HS6ST2: variants seen among roughly 807,000 people sequenced by gnomAD.
The protein encoded by HS6ST2 is heparan-sulfate 6-O-sulfotransferase 2.
HS6ST2 carries 17 observed loss-of-function variants against 33.0 expected under a neutral mutation model. The ratio of observed to expected loss-of-function variants is 0.52; its 90% CI spans 0.35 to 0.77. HS6ST2 has a LOEUF of 0.77. Among genes scored for constraint, HS6ST2 ranks in the 30% least tolerant of loss-of-function variants. HS6ST2 has a pLI of 0.01. For missense variants in HS6ST2, 519 were observed against 551.7 expected (o/e 0.94, Z 0.59); for synonymous variants, 248 against 237.1 (o/e 1.05, Z -0.42).
chrX:132,918,282 A>C (rs1009021510), intron 2 of HS6ST2, among the ~76,000 whole-genome samples: 5 of 112,142 alleles, frequency 4.5e-5, no homozygotes, highest in African/African-American at 1.6e-4. Context: ...TTATTCCTTA[A>C]GTGTGGTCTC....
chrX:132,955,746 C>G (rs2067062506), intron 2 of HS6ST2, among the ~76,000 whole-genome samples: 1 of 112,183 alleles, frequency 8.9e-6, no homozygotes, highest in Non-Finnish European at 1.9e-5. Flanking sequence ...GCACTCACTT[C>G]CCCCACCCCA....
chrX:132,931,880 C>T (rs773347009), intron 2 of HS6ST2, among the ~76,000 whole-genome samples: 1 of 111,252 alleles, frequency 9.0e-6, no homozygotes, highest in South Asian at 3.9e-4. Flanking sequence ...ATCTCAAAGA[C>T]TGGCCTCAAA....
At chrX:132,923,130 A>T (rs937426133) in intron 2 of HS6ST2, among the ~76,000 whole-genome samples, 1 of 109,823 alleles carries the variant, frequency 9.1e-6, no homozygotes, top group Non-Finnish European at 1.9e-5. Flanking sequence ...AAGGCCTAGG[A>T]TCAATAGAAA....
chrX:132,653,052 C>T (rs765487344), intron 4 of HS6ST2, among the ~76,000 whole-genome samples: 33 of 111,644 alleles, frequency 3.0e-4, no homozygotes, highest in African/African-American at 1.0e-3. Context: ...ATACCATGTG[C>T]TTGTAATTTC....
intron 2 of HS6ST2, among the ~76,000 whole-genome samples, chrX:132,768,355 A>AC (rs397896732): frequency 2.8e-5 from 3 of 107,699 alleles, no homozygotes; most frequent in African/African-American, 1.0e-4. Context: ...AAAAAAAAAA[A>AC]CTCAGGGTGA....
In HS6ST2 at chrX:132,661,695, C is replaced by T. The variant is rs755500017; in HGVS notation, c.1067+7418G>A. Among the ~76,000 whole-genome samples the T allele has an allele frequency of 6.3e-5, 7 of 111,753 alleles. No individual in the cohort carries two copies. The South Asian group carries it at 1.9e-3, about 30-fold the overall frequency. On this transcript the variant is annotated intron_variant, in intron 4 of 4. Coordinates refer to ENST00000370833, the MANE Select transcript of HS6ST2 (RefSeq NM_001394073.1). ...TTTCTTTTTGCAAAAATTTATAGAC[C>T]GATTCTAAAATTCATATGGAAATGG...
chrX:132,931,034 A>C (rs1362688640), intron 2 of HS6ST2, among the ~76,000 whole-genome samples: 1 of 111,729 alleles, frequency 9.0e-6, no homozygotes, highest in Non-Finnish European at 1.9e-5. Flanking sequence ...CAGTAAAACA[A>C]CCATACCGGT....
intron 2 of HS6ST2, among the ~76,000 whole-genome samples, chrX:132,712,258 TCTTCA>T (rs2064237817): frequency 1.8e-5 from 2 of 111,958 alleles, no homozygotes; most frequent in African/African-American, 6.5e-5. Flanking sequence ...ATCATTCTGG[TCTTCA>T]CCTACTCTAT....
intron 2 of HS6ST2, among the ~76,000 whole-genome samples, chrX:132,891,699 T>C (rs2066313784): frequency 9.0e-6 from 1 of 111,672 alleles, no homozygotes; most frequent in African/African-American, 3.3e-5. Flanking sequence ...TCCATGTCCC[T>C]ACAAAGGACA....
intron 2 of HS6ST2, among the ~76,000 whole-genome samples, chrX:132,846,017 G>A (rs2065747400): frequency 9.0e-6 from 1 of 111,662 alleles, no homozygotes; most frequent in African/African-American, 3.3e-5. Flanking sequence ...TTTCAAGAAA[G>A]CAGCATAAAT....
At chrX:132,938,696 A>C (rs1244860207) in intron 2 of HS6ST2, among the ~76,000 whole-genome samples, 1 of 111,221 alleles carries the variant, frequency 9.0e-6, no homozygotes. Context: ...TGAGATCAAA[A>C]ACAAGATAAA....
chrX:132,908,439 G>A (rs2066496576), intron 2 of HS6ST2, among the ~76,000 whole-genome samples: 1 of 112,409 alleles, frequency 8.9e-6, no homozygotes, highest in Non-Finnish European at 1.9e-5. Context: ...TCTGCACAAA[G>A]AGTTGTACAC....
At chrX:132,852,677 C>T (rs764916338) in intron 2 of HS6ST2, among the ~76,000 whole-genome samples, 14 of 112,417 alleles carry the variant, frequency 1.2e-4, no homozygotes, top group Non-Finnish European at 2.3e-4. Flanking sequence ...TCTTCTCCTA[C>T]CCTGTCATCA....
chrX:132,874,152 T>A (rs930797520), intron 2 of HS6ST2, among the ~76,000 whole-genome samples: 20 of 112,053 alleles, frequency 1.8e-4, no homozygotes, highest in Admixed American at 9.5e-5. Context: ...TTGGGAATGA[T>A]CTGTGTGTAC....
intron 2 of HS6ST2, among the ~76,000 whole-genome samples, chrX:132,724,176 GAAAC>G (rs1353255599): frequency 1.9e-5 from 2 of 107,144 alleles, no homozygotes; most frequent in African/African-American, 6.9e-5. Context: ...AGAAAAGAAA[GAAAC>G]AAATGATGGC....
At chrX:132,948,214 G>A (rs758934641) in intron 2 of HS6ST2, among the ~76,000 whole-genome samples, 4 of 111,489 alleles carry the variant, frequency 3.6e-5, no homozygotes, top group African/African-American at 1.3e-4. Context: ...CTTACATTGG[G>A]GAAGAACAAG....
At chrX:132,934,508 G>C (rs1193556429) in intron 2 of HS6ST2, among the ~76,000 whole-genome samples, 1 of 111,707 alleles carries the variant, frequency 9.0e-6, no homozygotes, top group Non-Finnish European at 1.9e-5. Context: ...AGCTATCTAG[G>C]AAAACACTTA....
intron 2 of HS6ST2, among the ~76,000 whole-genome samples, chrX:132,814,341 T>C (rs1024983154): frequency 4.5e-5 from 5 of 111,829 alleles, no homozygotes; most frequent in African/African-American, 1.3e-4. Flanking sequence ...AGCATTAGCA[T>C]CAGAGAGAGA....
At chrX:132,776,498 T>C (rs2064959580) in intron 2 of HS6ST2, among the ~76,000 whole-genome samples, 1 of 111,668 alleles carries the variant, frequency 9.0e-6, no homozygotes, top group Non-Finnish European at 1.9e-5. Context: ...TATTGCTGCA[T>C]TAGGAATCTG....
Sources: gnomAD v4.1 joint callset for allele counts (sites outside exome capture counted in the v4.1 genomes callset) on GRCh38, gnomAD v4.1.1 for gene constraint, MANE v1.5 for transcripts, NCBI Gene and HGNC (gene_info 2026-07-23, HGNC 2026-07-21) for gene names.